Variants in TNFRSF8 observed in about 807,000 individuals in gnomAD.
The protein encoded by TNFRSF8 is tumor necrosis factor receptor superfamily member 8.
TNFRSF8 carries 26 observed loss-of-function variants against 70.8 expected under a neutral mutation model. The observed-to-expected ratio is 0.37, with a 90% CI of 0.27 to 0.51. TNFRSF8 has a LOEUF of 0.51. Among genes scored for constraint, TNFRSF8 ranks in the 20% least tolerant of loss-of-function variants. The probability of loss-of-function intolerance (pLI) is 0.94; values close to 1 mark genes in which losing one functional copy is unlikely to be tolerated. For synonymous variants in TNFRSF8, 356 were observed against 339.2 expected (o/e 1.05, Z -0.54); for missense variants, 720 against 807.9 (o/e 0.89, Z 1.32).
chr1:12,131,213 G>A (rs1343774642), intron 12 of TNFRSF8, among the ~76,000 whole-genome samples: 1 of 152,174 alleles, frequency 6.6e-6, no homozygotes, highest in Non-Finnish European at 1.5e-5. Flanking sequence ...ACTTTGGGAG[G>A]CCAAGGTGGG....
chr1:12,077,640 G>A lies in TNFRSF8; in HGVS notation c.64-6824G>A, dbSNP rs11569807. Among the ~76,000 whole-genome samples, 512 of 152,300 alleles carry A rather than the reference G, an allele frequency of 3.4e-3. 1 individual carries two copies. The highest frequency in any genetic ancestry group is 0.012 in the African/African-American group (483 of 41,568). On this transcript the variant is annotated intron_variant, in intron 1 of 14. Coordinates refer to ENST00000263932, the MANE Select transcript of TNFRSF8 (RefSeq NM_001243.5). ...CATGACCTGGATGGGGGTGATCAGA[G>A]AGGGCTTCCCAGAGGAAGTGGCACT...
chr1:12,083,513 ACT>A (rs1383646950), intron 1 of TNFRSF8, among the ~76,000 whole-genome samples: 1 of 152,108 alleles, frequency 6.6e-6, no homozygotes, highest in East Asian at 1.9e-4. Context: ...ACATGGTGAA[ACT>A]CTCTCTGCTA....
chr1:12,107,847 C>G (rs1025227836), intron 4 of TNFRSF8, among the ~76,000 whole-genome samples: 1 of 152,138 alleles, frequency 6.6e-6, no homozygotes, highest in African/African-American at 2.4e-5. Context: ...CTGGCTGTCT[C>G]TCCTGAAATT....
Position 12,119,272 on chromosome 1 carries a change from C to CT in TNFRSF8, c.946+3544dup, listed in dbSNP as rs1641788241. 6.6e-6 allele frequency among the ~76,000 whole-genome samples: 1 copy of CT among 152,226 alleles called. No individual in the cohort carries two copies. Among genetic ancestry groups the CT allele is most frequent in the African/African-American group, 2.4e-5 (1 of 41,464 alleles). ...CCTCATGTCTGCAAAAGTGTCCTGA[C>CT]TCCCTGATTCCCTCTGTGCATCCCC... On this transcript the variant is annotated intron_variant, in intron 8 of 14. Transcript: ENST00000263932. The surrounding 1 kb of genome is among the most constrained non-coding windows in gnomAD (Gnocchi z 4.4).
rs536070265 is a variant in TNFRSF8 at position 12,081,458 on chromosome 1, C to G, written c.64-3006C>G. ...GGGTGTCCTGGCAGGTTCCTGCCCC[C>G]CTGGAGAGGCTCCCAGGAGCCCTCT... On this transcript the variant is annotated intron_variant, in intron 1 of 14. Transcript: ENST00000263932. Among the ~76,000 whole-genome samples, 6 of 152,034 alleles carry G rather than the reference C, an allele frequency of 3.9e-5. No individual in the cohort carries two copies. The South Asian group carries it at 1.0e-3, about 26-fold the overall frequency.
intron 4 of TNFRSF8, among the ~76,000 whole-genome samples, chr1:12,105,542 C>G (rs1411668710): frequency 1.4e-5 from 2 of 139,734 alleles, no homozygotes; most frequent in East Asian, 4.3e-4. Flanking sequence ...CTCTCTCTCT[C>G]TCTCTCTCAC....
intron 4 of TNFRSF8, among the ~76,000 whole-genome samples, chr1:12,107,088 G>C (rs1404796230): frequency 6.6e-6 from 1 of 152,178 alleles, no homozygotes; most frequent in Non-Finnish European, 1.5e-5. Context: ...GTGGCACGTG[G>C]CCACGCACTT....
At chr1:12,116,182 T>C (rs1219182973) in intron 8 of TNFRSF8, among the ~76,000 whole-genome samples, 2 of 152,066 alleles carry the variant, frequency 1.3e-5, no homozygotes, top group African/African-American at 4.8e-5. Context: ...GGTTTCTCCA[T>C]GTTGGTCAGG....
At chr1:12,097,365 G>A (rs1641349486) in intron 3 of TNFRSF8, 148 bp downstream of exon 3, 1 of 579,792 alleles carries the variant, frequency 1.7e-6, no homozygotes, top group African/African-American at 1.9e-5. Context: ...TTACCTCTCT[G>A]CATTTGTGAT....
chr1:12,136,377 G>A (rs1258720173), intron 13 of TNFRSF8, among the ~76,000 whole-genome samples: 2 of 152,154 alleles, frequency 1.3e-5, no homozygotes, highest in Non-Finnish European at 2.9e-5. Flanking sequence ...GGCCGGATAT[G>A]ATGGCTCACA....
chr1:12,125,000 G>A (rs555538634), intron 10 of TNFRSF8, among the ~76,000 whole-genome samples: 2 of 152,252 alleles, frequency 1.3e-5, no homozygotes, highest in Admixed American at 6.5e-5. Flanking sequence ...CTGAAAGTGC[G>A]GTCCCGTCTG....
chr1:12,071,027 G>A (rs947515771), intron 1 of TNFRSF8, among the ~76,000 whole-genome samples: 13 of 152,030 alleles, frequency 8.6e-5, no homozygotes, highest in African/African-American at 2.2e-4. Flanking sequence ...CTGTTCATTC[G>A]TTCCAACCCA....
chr1:12,133,269 C>T (rs1642084113), intron 12 of TNFRSF8, among the ~76,000 whole-genome samples: 1 of 152,218 alleles, frequency 6.6e-6, no homozygotes, highest in East Asian at 1.9e-4. Context: ...TCACCCACTT[C>T]CCCTTCAAGG....
intron 12 of TNFRSF8, among the ~76,000 whole-genome samples, chr1:12,135,210 G>T (rs1642122811): frequency 6.6e-6 from 1 of 151,706 alleles, no homozygotes. Context: ...CAGCTATTCG[G>T]GAGGCTGAGG....
Position 12,126,017 on chromosome 1 carries a change from G to A in TNFRSF8, c.1220G>A (p.Cys407Tyr). The A allele has an allele frequency of 6.2e-7, 1 of 1,614,186 alleles. No individual in the cohort carries two copies. The highest frequency in any genetic ancestry group is 8.5e-7 in the Non-Finnish European group (1 of 1,180,016). ...VVVGSSAFLL[C>Y]HRRACRKRIR... is the part of the protein sequence containing the mutation. Reference sequence around the variant, plus strand: ...GTCGGCTCCAGCGCCTTCCTCCTGTGCCACCGGAGGGCCTGCAGGAAGCGA... The same window carrying A: ...GTCGGCTCCAGCGCCTTCCTCCTGTACCACCGGAGGGCCTGCAGGAAGCGA... The change falls in exon 11 of 15, where the codon TGC becomes TAC. Residue 407 changes from cysteine (C) to tyrosine (Y), a missense_variant. Cys to Tyr is a radical substitution (Grantham distance 194). Coordinates refer to ENST00000263932, the MANE Select transcript of TNFRSF8 (RefSeq NM_001243.5).
At chr1:12,124,829 C>CACA in intron 10 of TNFRSF8, among the ~76,000 whole-genome samples, 1 of 145,912 alleles carries the variant, frequency 6.9e-6, no homozygotes, top group South Asian at 2.2e-4. Flanking sequence ...GAATCAGTCT[C>CACA]AAACAAAACA....
chr1:12,091,823 A>T (rs1641252671), intron 2 of TNFRSF8, among the ~76,000 whole-genome samples: 1 of 152,196 alleles, frequency 6.6e-6, no homozygotes, highest in African/African-American at 2.4e-5. Flanking sequence ...GATGGTTTTG[A>T]GATGAAACTG....
At chr1:12,140,915 C>G (rs1642241146) in intron 14 of TNFRSF8, among the ~76,000 whole-genome samples, 1 of 152,120 alleles carries the variant, frequency 6.6e-6, no homozygotes, top group Non-Finnish European at 1.5e-5. Context: ...ATCTTTTGCC[C>G]AGCCCTCTAT....
Position 12,084,471 on chromosome 1 carries a change from C to T in TNFRSF8, c.71C>T (p.Pro24Leu). 6.2e-7 allele frequency: 1 copy of T among 1,614,008 alleles called. No individual in the cohort carries two copies. Among genetic ancestry groups the T allele is most frequent in the Non-Finnish European group, 8.5e-7 (1 of 1,179,970 alleles). Residue 24 changes from proline (P) to leucine (L), a missense_variant, in exon 2 of 15, where the codon CCC becomes CTC. Physicochemically the swap from Pro to Leu is moderately conservative, Grantham distance 98. Coordinates refer to ENST00000263932, the MANE Select transcript of TNFRSF8 (RefSeq NM_001243.5). ...GCTTTTCTGACCTGCCAGGATCGAC[C>T]CTTCGAGGACACCTGTCATGGAAAC... ...GALRAFPQDR[P>L]FEDTCHGNPS...
Sources: gnomAD v4.1 joint callset for allele counts (sites outside exome capture counted in the v4.1 genomes callset) on GRCh38, gnomAD v4.1.1 for gene constraint, Gnocchi (gnomAD v3.1) non-coding constraint, MANE v1.5 for transcripts, NCBI Gene and HGNC (gene_info 2026-07-23, HGNC 2026-07-21) for gene names.